Variants in PLAA observed in about 807,000 individuals in gnomAD.
PLAA encodes the protein phospholipase A-2-activating protein.
A neutral mutation model predicts 84.1 loss-of-function variants in PLAA; 48 were observed. The observed-to-expected ratio is 0.57, with a 90% CI of 0.45 to 0.73. The LOEUF (loss-of-function observed/expected upper bound fraction) is 0.73, where lower values mean the gene tolerates loss of function less well. Ranked by LOEUF, PLAA falls within the 30% of genes least tolerant of loss-of-function variation. PLAA has a pLI of 0.00. For synonymous variants in PLAA, 392 were observed against 336.6 expected (o/e 1.16, Z -1.80); for missense variants, 903 against 954.7 (o/e 0.95, Z 0.71).
intron 11 of PLAA, among the ~76,000 whole-genome samples, chr9:26,911,024 C>A (rs1463395694): frequency 6.6e-6 from 1 of 151,916 alleles, no homozygotes; most frequent in African/African-American, 2.4e-5. Flanking sequence ...AGTTGTAAAT[C>A]CCTGAAGGAC....
intron 13 of PLAA, among the ~76,000 whole-genome samples, chr9:26,906,303 T>G (rs1441466773): frequency 6.6e-6 from 1 of 151,594 alleles, no homozygotes; most frequent in African/African-American, 2.4e-5. Flanking sequence ...GCTTTAAAAA[T>G]AAGGTAACTC....
chr9:26,922,684 T>G (rs1362585712), intron 7 of PLAA, among the ~76,000 whole-genome samples: 1 of 150,962 alleles, frequency 6.6e-6, no homozygotes, highest in East Asian at 1.9e-4. Flanking sequence ...TTTTTTTTTT[T>G]GAGACAGAGT....
Position 26,910,317 on chromosome 9 carries a change from AAATT to A in PLAA, c.1657+17_1657+20del, listed in dbSNP as rs1824360328. ...TCAAACAGTCTGTGAATATGTGAAT[AAATT>A]AATTAAAGAAACTTACCTAATATTT... On this transcript the variant is annotated intron_variant, in intron 12 of 13. Coordinates refer to ENST00000397292, the MANE Select transcript of PLAA (RefSeq NM_001031689.3). 1.3e-6 allele frequency: 2 copies of A among 1,543,878 alleles called. No homozygotes were observed. The highest frequency in any genetic ancestry group is 1.4e-5 in the African/African-American group (1 of 73,636).
intron 1 of PLAA, among the ~76,000 whole-genome samples, chr9:26,940,990 A>G (rs1302625584): frequency 1.3e-5 from 2 of 152,180 alleles, no homozygotes; most frequent in African/African-American, 2.4e-5. Flanking sequence ...TTAACACTTC[A>G]AAGCATAGAT....
intron 1 of PLAA, among the ~76,000 whole-genome samples, chr9:26,940,634 A>G (rs1825501829): frequency 6.6e-6 from 1 of 152,244 alleles, no homozygotes; most frequent in Admixed American, 6.5e-5. Flanking sequence ...AAAATGGTTA[A>G]GATGGCAAAT....
intron 8 of PLAA, among the ~76,000 whole-genome samples, chr9:26,919,822 A>G (rs1009199049): frequency 3.3e-5 from 5 of 152,322 alleles, no homozygotes; most frequent in African/African-American, 1.2e-4. Context: ...ATCAAGATCA[A>G]AATTATCAGC....
intron 12 of PLAA, among the ~76,000 whole-genome samples, 162 bp from the exon 13 acceptor site, chr9:26,908,160 G>A (rs1824293268): frequency 6.7e-6 from 1 of 150,186 alleles, no homozygotes; most frequent in Non-Finnish European, 1.5e-5. Flanking sequence ...AGGCTTATGA[G>A]CTTTGTCTTT....
At chr9:26,912,101 G>C (rs1053713778) in intron 11 of PLAA, among the ~76,000 whole-genome samples, 6 of 152,178 alleles carry the variant, frequency 3.9e-5, no homozygotes, top group Non-Finnish European at 8.8e-5. Context: ...TGAAAGATAA[G>C]AGTAGGCGAT....
At chr9:26,935,731 G>T (rs1825336646) in intron 1 of PLAA, among the ~76,000 whole-genome samples, 1 of 151,916 alleles carries the variant, frequency 6.6e-6, no homozygotes, top group African/African-American at 2.4e-5. Flanking sequence ...CCACACTGAA[G>T]AAGAAGAATT....
intron 7 of PLAA, among the ~76,000 whole-genome samples, chr9:26,922,438 A>G (rs916619745): frequency 4.6e-5 from 7 of 152,162 alleles, no homozygotes; most frequent in African/African-American, 1.7e-4. Context: ...TACAATGTAC[A>G]ACATTCAAAT....
At chr9:26,923,733 A>G (rs948908865) in intron 6 of PLAA, among the ~76,000 whole-genome samples, 2 of 152,216 alleles carry the variant, frequency 1.3e-5, no homozygotes, top group African/African-American at 4.8e-5. Flanking sequence ...TAAAATTAGC[A>G]GATGTTCAGT....
intron 2 of PLAA, among the ~76,000 whole-genome samples, chr9:26,934,644 T>A (rs934719067): frequency 4.6e-5 from 7 of 152,066 alleles, no homozygotes; most frequent in Admixed American, 2.0e-4. Flanking sequence ...CACACCTGGA[T>A]AATTTTTGTA....
intron 1 of PLAA, among the ~76,000 whole-genome samples, chr9:26,940,126 A>G (rs1449825575): frequency 6.6e-6 from 1 of 152,262 alleles, no homozygotes; most frequent in Non-Finnish European, 1.5e-5. Flanking sequence ...AAATAAAATT[A>G]CCATATGACT....
intron 7 of PLAA, among the ~76,000 whole-genome samples, chr9:26,921,547 G>A (rs1671374614): frequency 6.6e-6 from 1 of 152,202 alleles, no homozygotes. Context: ...CCTAACACAC[G>A]TAGGTAGTTG....
intron 11 of PLAA, among the ~76,000 whole-genome samples, chr9:26,913,364 G>T (rs1321014511): frequency 1.3e-5 from 2 of 152,104 alleles, no homozygotes; most frequent in Non-Finnish European, 2.9e-5. Context: ...AAAAAAATTA[G>T]TTGCTCAGAA....
At chr9:26,910,088 C>T (rs1824354653) in intron 12 of PLAA, among the ~76,000 whole-genome samples, 1 of 152,084 alleles carries the variant, frequency 6.6e-6, no homozygotes, top group South Asian at 2.1e-4. Context: ...TTTACATTTT[C>T]CACCTTTAAT....
chr9:26,931,656 GC>G (rs1235900650), intron 2 of PLAA, among the ~76,000 whole-genome samples: 1 of 151,918 alleles, frequency 6.6e-6, no homozygotes, highest in Non-Finnish European at 1.5e-5. Flanking sequence ...AGGAAACAAG[GC>G]TTTAACCAGT....
At chr9:26,916,502 A>G in intron 10 of PLAA, 1 of 986,906 alleles carries the variant, frequency 1.0e-6, no homozygotes, top group Non-Finnish European at 1.2e-6. Flanking sequence ...GGACATTAAT[A>G]ACTTAGATTA....
At position 26,920,764 on chromosome 9, in the gene PLAA, G is replaced by A. The variant is rs189932162; in HGVS notation, c.1040-380C>T. Among the ~76,000 whole-genome samples the A allele has an allele frequency of 3.6e-4, 54 of 152,020 alleles. 1 individual carries two copies. In the East Asian group the frequency reaches 7.0e-3, roughly 20 times the overall value. On this transcript the variant is annotated intron_variant, in intron 7 of 13. Transcript: ENST00000397292. ...TTTCTCTCAACCCCATCGCTCCTTC[G>A]GCTACTTCTCAGCACCCCCTTCAGC...
Sources: gnomAD v4.1 joint callset for allele counts (sites outside exome capture counted in the v4.1 genomes callset) on GRCh38, gnomAD v4.1.1 for gene constraint, MANE v1.5 for transcripts, NCBI Gene and HGNC (gene_info 2026-07-23, HGNC 2026-07-21) for gene names.